Variants in ASIC2 observed in about 807,000 individuals in gnomAD.
The protein encoded by ASIC2 is acid-sensing ion channel 2.
A neutral mutation model predicts 57.3 loss-of-function variants in ASIC2; 25 were observed. The observed-to-expected ratio is 0.44, with a 90% CI of 0.32 to 0.61. The LOEUF (loss-of-function observed/expected upper bound fraction) is 0.61. ASIC2 is among the 20% of genes least tolerant of loss of function. The pLI is 0.06. For synonymous variants in ASIC2, 319 were observed against 307.5 expected (o/e 1.04, Z -0.39); for missense variants, 641 against 738.1 (o/e 0.87, Z 1.52).
intron 1 of ASIC2, among the ~76,000 whole-genome samples, chr17:34,076,051 G>A (rs564106011): frequency 6.9e-4 from 105 of 151,710 alleles, no homozygotes; most frequent in African/African-American, 2.4e-3. Flanking sequence ...TGCCCAGGCT[G>A]GAGTGCAGTG....
chr17:34,056,293 A>C (rs529063279), intron 1 of ASIC2, among the ~76,000 whole-genome samples: 1 of 152,340 alleles, frequency 6.6e-6, no homozygotes, highest in Non-Finnish European at 1.5e-5. Context: ...AGCTTGGGAA[A>C]GAGGCTGACC....
chr17:34,139,958 T>TG (rs775100210), intron 1 of ASIC2, among the ~76,000 whole-genome samples: 14 of 152,282 alleles, frequency 9.2e-5, no homozygotes, highest in Non-Finnish European at 1.8e-4. Flanking sequence ...TGATGTGGAT[T>TG]GGGGGGGTGA....
At chr17:33,041,737 T>A (rs989120820) in intron 3 of ASIC2, among the ~76,000 whole-genome samples, 5 of 152,232 alleles carry the variant, frequency 3.3e-5, no homozygotes, top group African/African-American at 9.6e-5. Context: ...ATGCTGGTCC[T>A]CATGGGCTCT....
intron 3 of ASIC2, among the ~76,000 whole-genome samples, chr17:33,066,367 G>T (rs113609167): frequency 0.019 from 2,938 of 152,218 alleles, 85 homozygotes; most frequent in African/African-American, 0.066. Context: ...AGCAGTTGGC[G>T]AGGTCCTGGA....
rs143639013 is a variant in ASIC2, at chr17:33,901,942, C to T, written c.555+254036G>A. On this transcript the variant is annotated intron_variant, in intron 1 of 9. Coordinates refer to the ASIC2 transcript ENST00000359872. ...TCCATTGACAGGTATGGTAGATTTT[C>T]TCACTTGGCAACCATTCAGATTTCC... Among the ~76,000 whole-genome samples, 539 of 152,296 alleles carry T rather than the reference C, an allele frequency of 3.5e-3. 7 individuals are homozygous for T. Among genetic ancestry groups the T allele is most frequent in the Middle Eastern group, 0.027 (8 of 294 alleles).
At chr17:33,959,898 T>TG (rs1904864380) in intron 1 of ASIC2, among the ~76,000 whole-genome samples, 1 of 152,224 alleles carries the variant, frequency 6.6e-6, no homozygotes, top group African/African-American at 2.4e-5. Context: ...TTGCATATGG[T>TG]GTTCCAGCAC....
chr17:33,779,736 A>G (rs987212665), intron 1 of ASIC2, among the ~76,000 whole-genome samples: 1 of 152,300 alleles, frequency 6.6e-6, no homozygotes, highest in South Asian at 2.1e-4. Flanking sequence ...CAGCAAAACA[A>G]CAGCAGCAGC....
chr17:33,973,590 G>A (rs1024542462), intron 1 of ASIC2, among the ~76,000 whole-genome samples: 10 of 152,102 alleles, frequency 6.6e-5, no homozygotes, highest in Admixed American at 3.9e-4. Flanking sequence ...ATGGAACTCC[G>A]CAGCTCTCTC....
chr17:33,175,689 C>T (rs116018616), intron 1 of ASIC2, among the ~76,000 whole-genome samples: 180 of 152,220 alleles, frequency 1.2e-3, no homozygotes, highest in African/African-American at 4.3e-3. Flanking sequence ...AGTCCAGCGG[C>T]TGCTGCCTCC....
intron 1 of ASIC2, among the ~76,000 whole-genome samples, chr17:33,791,354 A>G (rs1383298587): frequency 6.6e-6 from 1 of 152,122 alleles, no homozygotes; most frequent in East Asian, 1.9e-4. Context: ...AGATATGGAG[A>G]AGCATCAGGG....
chr17:33,517,814 C>T (rs1055526619), intron 1 of ASIC2, among the ~76,000 whole-genome samples: 3 of 151,816 alleles, frequency 2.0e-5, no homozygotes, highest in Admixed American at 1.3e-4. Context: ...CAAACCTGCA[C>T]GTTGTGCACA....
chr17:33,140,888 A>C (rs1010258008), intron 1 of ASIC2, among the ~76,000 whole-genome samples: 3 of 152,232 alleles, frequency 2.0e-5, no homozygotes, highest in Admixed American at 6.5e-5. Flanking sequence ...GGCACATTCC[A>C]TCCGGGCCAC....
At chr17:34,153,995 T>A (rs1904622510) in intron 1 of ASIC2, among the ~76,000 whole-genome samples, 1 of 152,198 alleles carries the variant, frequency 6.6e-6, no homozygotes, top group Non-Finnish European at 1.5e-5. Flanking sequence ...AAAAAACATT[T>A]ACTTCTAAAT....
chr17:33,855,381 A>G (rs1447905220), intron 1 of ASIC2, among the ~76,000 whole-genome samples: 2 of 152,228 alleles, frequency 1.3e-5, no homozygotes, highest in East Asian at 3.8e-4. Flanking sequence ...CTGTGTGATT[A>G]CAGACAGGTG....
chr17:33,243,416 T>C (rs1597647892), intron 1 of ASIC2, among the ~76,000 whole-genome samples: 1 of 152,056 alleles, frequency 6.6e-6, no homozygotes, highest in Non-Finnish European at 1.5e-5. Flanking sequence ...GTGAATGAAG[T>C]TGGGGGCACC....
At chr17:33,119,284 A>T (rs765898586) in intron 1 of ASIC2, among the ~76,000 whole-genome samples, 1 of 152,230 alleles carries the variant, frequency 6.6e-6, no homozygotes, top group Non-Finnish European at 1.5e-5. Flanking sequence ...TCTAAAACTT[A>T]GCTGTTTTTT....
intron 1 of ASIC2, chr17:33,533,772 C>T (rs1449714747): frequency 6.6e-6 from 1 of 152,142 alleles, no homozygotes; most frequent in Non-Finnish European, 1.5e-5. Context: ...ATAAGCTGCA[C>T]CTAGAACTTG....
At chr17:33,844,982 G>A (rs1913540585) in intron 1 of ASIC2, among the ~76,000 whole-genome samples, 1 of 152,240 alleles carries the variant, frequency 6.6e-6, no homozygotes, top group East Asian at 1.9e-4. Flanking sequence ...CCAATGTACA[G>A]TGAGGCCATG....
At chr17:33,773,080 G>A (rs1911164851) in intron 1 of ASIC2, among the ~76,000 whole-genome samples, 1 of 152,190 alleles carries the variant, frequency 6.6e-6, no homozygotes, top group Non-Finnish European at 1.5e-5. Context: ...CAAATGTAGT[G>A]AAATGGTTCA....
Sources: allele counts gnomAD v4.1 joint callset (sites outside exome capture counted in the v4.1 genomes callset), GRCh38; gene constraint gnomAD v4.1.1; transcripts MANE v1.5; gene names NCBI Gene and HGNC (gene_info 2026-07-23, HGNC 2026-07-21).